PDE9A: variants seen among roughly 807,000 people sequenced by gnomAD.
The protein encoded by PDE9A is phosphodiesterase 9A, also known as high affinity cGMP-specific 3',5'-cyclic phosphodiesterase 9A.
Under a neutral mutation model 87.4 loss-of-function variants are expected in PDE9A, and 60 were observed. That is an observed-to-expected ratio of 0.69 (90% confidence interval 0.56 to 0.85). PDE9A has a LOEUF of 0.85. Among genes scored for constraint, PDE9A ranks in the 40% least tolerant of loss-of-function variants. The pLI, the probability that PDE9A is intolerant of heterozygous loss-of-function variation, is 0.00. For synonymous variants in PDE9A, 272 were observed against 279.4 expected (o/e 0.97, Z 0.27); for missense variants, 665 against 779.0 (o/e 0.85, Z 1.74).
chr21:42,668,816 C>T (rs529562169), intron 1 of PDE9A, among the ~76,000 whole-genome samples: 4 of 151,164 alleles, frequency 2.6e-5, no homozygotes, highest in South Asian at 2.1e-4. Flanking sequence ...GCTGTTCAGA[C>T]GGTCTGGGTA....
chr21:42,760,800 A>G lies in PDE9A; in HGVS notation c.1003-25A>G, dbSNP rs187850787. On this transcript the variant is annotated intron_variant, in intron 12 of 19. Coordinates refer to ENST00000291539, the MANE Select transcript of PDE9A (RefSeq NM_002606.3). The surrounding 1 kb of genome is among the most constrained non-coding windows in gnomAD (Gnocchi z 5.2). ...CACCCTCCGAGTGAAGAGAGCAAAC[A>G]CCTACGCCCTGTTTTCCAATCCAGG... 7.4e-4 allele frequency: 1,041 copies of G among 1,414,962 alleles called. 3 individuals carry two copies. The highest frequency in any genetic ancestry group is 9.1e-4 in the Non-Finnish European group (912 of 999,752). 87.7% of individuals were successfully genotyped at this position (1,414,962 alleles called of 1,614,324 possible). A position where few individuals can be genotyped will look rare whatever the true frequency, so the allele number is the denominator to read the frequency against.
At chr21:42,666,432 C>T (rs989316556) in intron 1 of PDE9A, among the ~76,000 whole-genome samples, 3 of 152,198 alleles carry the variant, frequency 2.0e-5, no homozygotes, top group African/African-American at 7.2e-5. Flanking sequence ...AGCAGGAGCG[C>T]AGAGCAGGTC....
At chr21:42,725,440 T>C (rs1383601048) in intron 4 of PDE9A, among the ~76,000 whole-genome samples, 5 of 152,078 alleles carry the variant, frequency 3.3e-5, no homozygotes, top group Non-Finnish European at 7.4e-5. Flanking sequence ...GGTTTCTCCA[T>C]GTTGGTCAGG....
At chr21:42,706,387 G>C (rs188095892) in intron 4 of PDE9A, among the ~76,000 whole-genome samples, 1 of 152,222 alleles carries the variant, frequency 6.6e-6, no homozygotes, top group Non-Finnish European at 1.5e-5. Context: ...GCTCACGCCT[G>C]TAATCCCAGC....
intron 3 of PDE9A, among the ~76,000 whole-genome samples, chr21:42,688,785 C>T (rs996785710): frequency 4.6e-5 from 7 of 152,244 alleles, no homozygotes; most frequent in African/African-American, 1.7e-4. Flanking sequence ...CGATGGTACA[C>T]TTGTCAATCT....
chr21:42,762,090 A>G lies in PDE9A; in HGVS notation c.1093A>G (p.Ile365Val), dbSNP rs768431271. ...DHPGYNNTYQ[I>V]NARTELAVRY... is the part of the protein sequence containing the mutation. ...TCTCTCCTTGCCTCCCAGGTACCAG[A>G]TCAATGCCCGCACAGAGCTGGCGGT... Residue 365 changes from isoleucine (I) to valine (V), a missense_variant, in exon 14 of 20, where the codon ATC (isoleucine) becomes GTC (valine). By Grantham distance (29) the Ile-to-Val change is conservative. Coordinates refer to ENST00000291539, the MANE Select transcript of PDE9A (RefSeq NM_002606.3). 1 of 1,613,660 alleles carries G rather than the reference A, an allele frequency of 6.2e-7. No homozygotes were observed.
intron 7 of PDE9A, among the ~76,000 whole-genome samples, chr21:42,738,799 C>T (rs533677656): frequency 5.2e-4 from 79 of 152,294 alleles, no homozygotes; most frequent in Non-Finnish European, 2.4e-4. Flanking sequence ...GATTCTCCCG[C>T]CTCAGCCCCC....
chr21:42,666,805 C>A (rs942639625), intron 1 of PDE9A, among the ~76,000 whole-genome samples: 2 of 152,216 alleles, frequency 1.3e-5, no homozygotes, highest in Admixed American at 6.5e-5. Flanking sequence ...ACAGTTCAGT[C>A]CATAGCACCC....
rs555245171 is a variant in PDE9A, at chr21:42,761,010, A to AACG, written c.1085+107_1085+109dup. ...AGAGCAGTTCCCAGATGGAGCTGTC[A>AACG]ACGACGGCCTCCCAGCCCCCAACTC... On this transcript the variant is annotated intron_variant, in intron 13 of 19. Transcript: ENST00000291539. 2.7e-4 allele frequency: 209 copies of AACG among 772,716 alleles called. 1 individual carries two copies. The African/African-American group carries it at 2.8e-3, about 10-fold the overall frequency. The allele number at this position is 772,716 out of a possible 1,614,324, so 47.9% of individuals were successfully genotyped here. A position where few individuals can be genotyped will look rare whatever the true frequency, so the allele number is the denominator to read the frequency against.
rs2048702233 is a variant in PDE9A, at chr21:42,704,989, A to C, written c.262+5978A>C. Among the ~76,000 whole-genome samples the C allele has an allele frequency of 6.6e-6, 1 of 152,220 alleles. No individual in the cohort carries two copies. Among genetic ancestry groups the C allele is most frequent in the South Asian group, 2.1e-4 (1 of 4,830 alleles). ...AAACGTGACTTTTCATAGAAAAGGG[A>C]GAATAGGCCAGCCCTGGCCTGGGTC... On this transcript the variant is annotated intron_variant, in intron 4 of 19. Transcript: ENST00000291539. The surrounding 1 kb of genome is among the most constrained non-coding windows in gnomAD (Gnocchi z 5.3).
Position 42,751,205 on chromosome 21 carries a change from G to A in PDE9A, c.735+8G>A, listed in dbSNP as rs769416478. On this transcript the variant is annotated splice_region_variant and intron_variant, in intron 9 of 19. Coordinates refer to ENST00000291539, the MANE Select transcript of PDE9A (RefSeq NM_002606.3). ...GTTCCCACTTACCCCAAGGTAAGAT[G>A]AGATTCCGGCCCAGAAGAAGCTGCA... is the stretch of plus-strand genomic sequence containing the variant. The A allele has an allele frequency of 6.3e-7, 1 of 1,597,866 alleles. No individual in the cohort carries two copies. The highest frequency in any genetic ancestry group is 8.6e-7 in the Non-Finnish European group (1 of 1,165,144).
chr21:42,684,084 C>A (rs1013700737), intron 1 of PDE9A, among the ~76,000 whole-genome samples: 2 of 152,356 alleles, frequency 1.3e-5, no homozygotes, highest in Middle Eastern at 6.8e-3. Context: ...AGAAGTCAAA[C>A]GCAGATTCCT....
chr21:42,765,356 A>G (rs2056293621), intron 14 of PDE9A, 25 bp from the exon 15 acceptor site: 1 of 1,373,204 alleles, frequency 7.3e-7, no homozygotes, highest in Non-Finnish European at 1.0e-6. Flanking sequence ...TACCCGTGTT[A>G]ACACGTTGTT....
At chr21:42,719,108 C>G (rs1375466173) in intron 4 of PDE9A, among the ~76,000 whole-genome samples, 1 of 151,768 alleles carries the variant, frequency 6.6e-6, no homozygotes, top group African/African-American at 2.4e-5. Flanking sequence ...GCTGAAACCT[C>G]TGCCACACTA....
chr21:42,731,816 G>T lies in PDE9A; in HGVS notation c.309G>T (p.Glu103Asp). Residue 103 changes from glutamate to aspartate, a missense_variant, in exon 5 of 20, where the codon GAG becomes GAT. Transcript: ENST00000291539. ...KRTTSRGQSA[E>D]RPLRDRRVVG... ...CCACAAGCCGTGGCCAGTCTGCTGAGAGACCACTGAGGGACAGACGGGTTG... is the reference window on the plus strand; with the variant it reads ...CCACAAGCCGTGGCCAGTCTGCTGATAGACCACTGAGGGACAGACGGGTTG... The T allele has an allele frequency of 6.2e-7, 1 of 1,614,246 alleles. No individual in the cohort carries two copies. Among genetic ancestry groups the T allele is most frequent in the Admixed American group, 1.7e-5 (1 of 60,028 alleles).
intron 1 of PDE9A, among the ~76,000 whole-genome samples, chr21:42,676,145 C>T (rs13049446): frequency 0.023 from 3,501 of 152,292 alleles, 67 homozygotes; most frequent in South Asian, 0.046. Flanking sequence ...CCCAGAAGCC[C>T]AGTGATGTCG....
chr21:42,705,644 C>T lies in PDE9A; in HGVS notation c.262+6633C>T, dbSNP rs973340477. Among the ~76,000 whole-genome samples the T allele has an allele frequency of 2.0e-5, 3 of 152,152 alleles. No homozygotes were observed. The East Asian group carries it at 5.8e-4, about 29-fold the overall frequency. ...GTGCTGCAGTCACACGCCAGGACGG[C>T]CCCCCACGGCCCAAGTCCTATAGGA... On this transcript the variant is annotated intron_variant, in intron 4 of 19. Transcript: ENST00000291539. This position sits in a 1 kb window ranked among gnomAD's most constrained non-coding sequence, Gnocchi z 4.3.
At chr21:42,713,744 C>G (rs1469539619) in intron 4 of PDE9A, among the ~76,000 whole-genome samples, 2 of 151,876 alleles carry the variant, frequency 1.3e-5, no homozygotes, top group African/African-American at 2.4e-5. Flanking sequence ...ACTGAGAGTA[C>G]ATTTTGCATT....
intron 4 of PDE9A, among the ~76,000 whole-genome samples, chr21:42,700,241 G>A (rs1292812340): frequency 7.2e-5 from 11 of 152,158 alleles, no homozygotes; most frequent in East Asian, 1.9e-4. Flanking sequence ...ACCACAGGGC[G>A]TCTTCCATTC....
Sources: allele counts gnomAD v4.1 joint callset (sites outside exome capture counted in the v4.1 genomes callset), GRCh38; gene constraint gnomAD v4.1.1; non-coding constraint Gnocchi (gnomAD v3.1); transcripts MANE v1.5; gene names NCBI Gene and HGNC (gene_info 2026-07-23, HGNC 2026-07-21).